Variants in TSNARE1 observed in about 807,000 individuals in gnomAD.
TSNARE1 encodes the protein t-SNARE domain containing 1, also known as t-SNARE domain-containing protein 1.
A neutral mutation model predicts 62.0 loss-of-function variants in TSNARE1; 49 were observed. That is an observed-to-expected ratio of 0.79 (90% CI 0.63 to 1.00). The LOEUF (loss-of-function observed/expected upper bound fraction) is 1.00, where lower values mean the gene tolerates loss of function less well. Ranked by LOEUF, TSNARE1 falls within the 50% of genes least tolerant of loss-of-function variation. TSNARE1 has a pLI of 0.00. For missense variants in TSNARE1, 755 were observed against 700.1 expected (o/e 1.08, Z -0.88); for synonymous variants, 328 against 294.4 (o/e 1.11, Z -1.17).
intron 12 of TSNARE1, among the ~76,000 whole-genome samples, chr8:142,254,582 C>G (rs956270379): frequency 6.6e-6 from 1 of 152,172 alleles, no homozygotes; most frequent in Non-Finnish European, 1.5e-5. Flanking sequence ...TGGCTCATCC[C>G]CCTCCCTCCA....
intron 1 of TSNARE1, among the ~76,000 whole-genome samples, chr8:142,365,116 G>A (rs1372509812): frequency 6.6e-6 from 1 of 152,172 alleles, no homozygotes; most frequent in African/African-American, 2.4e-5. Context: ...AATGATCTAA[G>A]TCAGCATCAT....
intron 4 of TSNARE1, among the ~76,000 whole-genome samples, chr8:142,343,667 G>A (rs1371984964): frequency 2.6e-5 from 4 of 151,080 alleles, no homozygotes; most frequent in East Asian, 2.0e-4. Flanking sequence ...ATGCACAGAC[G>A]GGTGGATGCA....
chr8:142,261,374 T>G (rs978729541), intron 12 of TSNARE1, among the ~76,000 whole-genome samples: 115 of 23,758 alleles, frequency 4.8e-3, no homozygotes, highest in Admixed American at 8.1e-3. Flanking sequence ...GGAGGAGGGA[T>G]GGAGGAGAGA....
intron 6 of TSNARE1, among the ~76,000 whole-genome samples, chr8:142,330,292 G>A (rs72687391): frequency 0.21 from 31,468 of 152,022 alleles, 3,558 homozygotes; most frequent in South Asian, 0.31. Context: ...CCTTCCCCCC[G>A]CTCCCCAGCC....
At chr8:142,382,047 C>T (rs1002888062) in intron 1 of TSNARE1, among the ~76,000 whole-genome samples, 87 of 152,148 alleles carry the variant, frequency 5.7e-4, no homozygotes, top group Non-Finnish European at 2.1e-4. Context: ...GAGGCCTGGC[C>T]GTTCCCAGGC....
At chr8:142,363,951 G>A (rs576860430) in intron 1 of TSNARE1, among the ~76,000 whole-genome samples, 112 of 152,282 alleles carry the variant, frequency 7.4e-4, no homozygotes, top group African/African-American at 2.6e-3. Context: ...GATGAGTGAC[G>A]GCAGACAGCA....
At position 142,274,822 on chromosome 8, in the gene TSNARE1, C is replaced by G. The variant is rs1820179907; in HGVS notation, c.1405G>C (p.Glu469Gln). ...CCAGCCAGGAGCTGGCGGGCTGCCT[C>G]CGCATGCGAGGACGCAGCCTCAAGG... ...ASLEAASSHA[E>Q]AARQLLAGAS... The change falls in exon 12 of 14, where the codon GAG (glutamate) becomes CAG (glutamine). Residue 469 changes from glutamate to glutamine, a missense_variant. Transcript: ENST00000524325. The G allele has an allele frequency of 1.9e-6, 3 of 1,581,816 alleles. No individual in the cohort carries two copies. Among genetic ancestry groups the G allele is most frequent in the South Asian group, 1.2e-5 (1 of 86,772 alleles).
chr8:142,393,134 C>T (rs745966386), intron 1 of TSNARE1, among the ~76,000 whole-genome samples: 1 of 152,140 alleles, frequency 6.6e-6, no homozygotes, highest in Non-Finnish European at 1.5e-5. Flanking sequence ...CCATCCACAC[C>T]GTGGAACAGG....
At chr8:142,227,444 G>A (rs1298155132) in intron 13 of TSNARE1, among the ~76,000 whole-genome samples, 1 of 147,598 alleles carries the variant, frequency 6.8e-6, no homozygotes, top group African/African-American at 2.5e-5. Flanking sequence ...GTGGCAGCCA[G>A]GACCTCCACT....
intron 6 of TSNARE1, among the ~76,000 whole-genome samples, chr8:142,330,684 AG>A (rs1375794030): frequency 6.6e-6 from 1 of 152,188 alleles, no homozygotes; most frequent in Non-Finnish European, 1.5e-5. Context: ...TGCCCTGTGG[AG>A]GGCACCTGCA....
intron 1 of TSNARE1, among the ~76,000 whole-genome samples, chr8:142,393,515 A>G (rs1227484044): frequency 6.6e-6 from 1 of 152,264 alleles, no homozygotes; most frequent in Non-Finnish European, 1.5e-5. Flanking sequence ...GGATCTGTGT[A>G]TTATTTCTCA....
chr8:142,366,595 C>T (rs181797504), intron 1 of TSNARE1, among the ~76,000 whole-genome samples: 11 of 152,226 alleles, frequency 7.2e-5, no homozygotes, highest in South Asian at 6.2e-4. Context: ...CAGAGTTGAA[C>T]GCTCATTCCT....
At chr8:142,273,286 G>A (rs1170382695) in intron 12 of TSNARE1, 3 of 985,424 alleles carry the variant, frequency 3.0e-6, no homozygotes, top group Non-Finnish European at 3.6e-6. Flanking sequence ...GCTCAGGAGG[G>A]GTCATCTTGC....
chr8:142,222,000 CTG>C (rs1816283596), intron 13 of TSNARE1, among the ~76,000 whole-genome samples: 1 of 73,238 alleles, frequency 1.4e-5, no homozygotes, highest in Non-Finnish European at 3.8e-5. Context: ...CACTCACTCA[CTG>C]ATTCACTCAC....
At chr8:142,279,806 T>C in intron 11 of TSNARE1, 4 of 914,272 alleles carry the variant, frequency 4.4e-6, no homozygotes, top group Non-Finnish European at 5.3e-6. Flanking sequence ...CCGGCCCTGC[T>C]TGCCCCAGGG....
chr8:142,300,759 G>GA, intron 9 of TSNARE1, 115 bp from the exon 10 acceptor site: 2 of 1,346,374 alleles, frequency 1.5e-6, no homozygotes, highest in Non-Finnish European at 2.0e-6. Flanking sequence ...TCTGCTCTCT[G>GA]AGGGGACGAT....
chr8:142,345,000 G>A (rs1031169920), intron 3 of TSNARE1, among the ~76,000 whole-genome samples: 3 of 152,250 alleles, frequency 2.0e-5, no homozygotes, highest in Middle Eastern at 6.8e-3. Context: ...GGCCAGCCTC[G>A]ACTTCCCCTC....
At chr8:142,281,641 G>A (rs1821484205) in intron 11 of TSNARE1, among the ~76,000 whole-genome samples, 2 of 152,082 alleles carry the variant, frequency 1.3e-5, no homozygotes, top group African/African-American at 4.8e-5. Context: ...GGGACCCAGA[G>A]CTTTTAGACC....
intron 1 of TSNARE1, among the ~76,000 whole-genome samples, chr8:142,376,380 G>A (rs184260990): frequency 6.6e-6 from 1 of 152,326 alleles, no homozygotes; most frequent in African/African-American, 2.4e-5. Flanking sequence ...CCTCTAAGGC[G>A]ATGGCGTTAG....
Sources: gnomAD v4.1 joint callset for allele counts (sites outside exome capture counted in the v4.1 genomes callset) on GRCh38, gnomAD v4.1.1 for gene constraint, MANE v1.5 for transcripts, NCBI Gene and HGNC (gene_info 2026-07-23, HGNC 2026-07-21) for gene names.